Variants in CTNNBIP1 observed in about 807,000 individuals in gnomAD.
CTNNBIP1 encodes catenin beta interacting protein 1.
In CTNNBIP1, 7 loss-of-function variants were observed where a neutral mutation model predicts 11.8. The ratio of observed to expected loss-of-function variants is 0.60; its 90% CI spans 0.34 to 1.12. The LOEUF (loss-of-function observed/expected upper bound fraction) is 1.12, where lower values mean the gene tolerates loss of function less well. CTNNBIP1 is among the 50% of genes most tolerant of loss of function. The pLI is 0.03. For missense variants in CTNNBIP1, 101 were observed against 113.4 expected, an observed-to-expected ratio of 0.89 and a Z score of 0.50; for synonymous variants, 58 against 43.9, an observed-to-expected ratio of 1.32 and a Z score of -1.26.
At chr1:9,860,118 C>CCTGAGCACAAGT (rs1553188380) in intron 5 of CTNNBIP1, among the ~76,000 whole-genome samples, 1 of 152,140 alleles carries the variant, frequency 6.6e-6, no homozygotes, top group Non-Finnish European at 1.5e-5. Flanking sequence ...AGAAAACAGA[C>CCTGAGCACAAGT]CTGAGCACAA....
chr1:9,894,483 G>A (rs1295872151), intron 1 of CTNNBIP1, among the ~76,000 whole-genome samples: 2 of 150,338 alleles, frequency 1.3e-5, no homozygotes, highest in Non-Finnish European at 3.0e-5. Flanking sequence ...AGCCTCCTGA[G>A]TAGCTAGGAT....
chr1:9,858,446 G>A (rs1570560658), intron 5 of CTNNBIP1, among the ~76,000 whole-genome samples: 1 of 152,142 alleles, frequency 6.6e-6, no homozygotes, highest in African/African-American at 2.4e-5. Flanking sequence ...ACCACTCACT[G>A]CGCCAGCTAC....
chr1:9,869,558 C>A (rs569103164), intron 5 of CTNNBIP1, among the ~76,000 whole-genome samples: 12 of 152,238 alleles, frequency 7.9e-5, no homozygotes, highest in Non-Finnish European at 1.6e-4. Context: ...CTCCTGACCT[C>A]AGGTGATCCA....
In CTNNBIP1 at chr1:9,887,751, C is replaced by T. The variant is rs529806632; in HGVS notation, c.-143-4013G>A. Among the ~76,000 whole-genome samples the T allele has an allele frequency of 4.0e-5, 6 of 151,846 alleles. No individual in the cohort carries two copies. The East Asian group carries it at 5.8e-4, about 15-fold the overall frequency. ...ATCCACCTTACAGGAAAAAGAAAAA[C>T]GGCTAGAGTCCAACCCACTGCCAAT... On this transcript the variant is annotated intron_variant, in intron 1 of 5. Coordinates refer to ENST00000377263, the MANE Select transcript of CTNNBIP1 (RefSeq NM_020248.3).
At chr1:9,899,625 G>A (rs925913698) in intron 1 of CTNNBIP1, among the ~76,000 whole-genome samples, 3 of 151,878 alleles carry the variant, frequency 2.0e-5, no homozygotes, top group Non-Finnish European at 4.4e-5. Flanking sequence ...CGGGCATGGT[G>A]ACGCATGGCT....
At chr1:9,887,983 C>T (rs190107887) in intron 1 of CTNNBIP1, among the ~76,000 whole-genome samples, 1 of 151,732 alleles carries the variant, frequency 6.6e-6, no homozygotes, top group African/African-American at 2.4e-5. Flanking sequence ...ACCACCACAC[C>T]CAGCTAATTT....
At chr1:9,900,736 C>T (rs1474812742) in intron 1 of CTNNBIP1, among the ~76,000 whole-genome samples, 16 of 152,190 alleles carry the variant, frequency 1.1e-4, no homozygotes, top group Non-Finnish European at 2.2e-4. Context: ...GAACTGGGGG[C>T]CAGCTTGCTT....
chr1:9,879,600 G>A (rs1288357558), intron 2 of CTNNBIP1, among the ~76,000 whole-genome samples: 1 of 152,166 alleles, frequency 6.6e-6, no homozygotes, highest in Admixed American at 6.5e-5. Flanking sequence ...GCCATTTATA[G>A]CAATTAATTG....
At chr1:9,903,648 A>G (rs1447145941) in intron 1 of CTNNBIP1, among the ~76,000 whole-genome samples, 6 of 152,198 alleles carry the variant, frequency 3.9e-5, no homozygotes. Flanking sequence ...TGCCCCTGGG[A>G]ACTACGAAGG....
intron 3 of CTNNBIP1, among the ~76,000 whole-genome samples, chr1:9,876,746 G>A (rs534790075): frequency 1.3e-5 from 2 of 152,290 alleles, no homozygotes; most frequent in African/African-American, 2.4e-5. Context: ...AAAAGTGGGT[G>A]CCATCCCAGA....
At chr1:9,879,337 C>A (rs1639036004) in intron 2 of CTNNBIP1, among the ~76,000 whole-genome samples, 1 of 152,076 alleles carries the variant, frequency 6.6e-6, no homozygotes, top group Admixed American at 6.6e-5. Context: ...AGGTGCGGGG[C>A]CAATGACAGC....
At position 9,848,386 on chromosome 1, in the gene CTNNBIP1, G is replaced by A. The variant is rs1197861984; in HGVS notation, c.*2332C>T. ...TTTTCCTCTTCAGAAGATGAGACAGGCCGGGGTCATCATTGTTACAAAAGC... is the reference window on the plus strand; with the variant it reads ...TTTTCCTCTTCAGAAGATGAGACAGACCGGGGTCATCATTGTTACAAAAGC... On this transcript the variant is annotated 3_prime_UTR_variant, in exon 6 of 6. Coordinates refer to ENST00000377263, the MANE Select transcript of CTNNBIP1 (RefSeq NM_020248.3). This position sits in a 1 kb window ranked among gnomAD's most constrained non-coding sequence, Gnocchi z 4.3. The A allele has an allele frequency of 1.3e-5, 2 of 152,210 alleles. No homozygotes were observed. Among genetic ancestry groups the A allele is most frequent in the African/African-American group, 4.8e-5 (2 of 41,440 alleles). 9.4% of individuals were successfully genotyped at this position (152,210 alleles called of 1,614,324 possible).
intron 1 of CTNNBIP1, among the ~76,000 whole-genome samples, chr1:9,887,571 C>T (rs1230114475): frequency 6.6e-6 from 1 of 151,932 alleles, no homozygotes; most frequent in African/African-American, 2.4e-5. Context: ...GGCATGGTGG[C>T]ACACGCCTGT....
At chr1:9,869,555 C>A (rs918870060) in intron 5 of CTNNBIP1, among the ~76,000 whole-genome samples, 1 of 152,072 alleles carries the variant, frequency 6.6e-6, no homozygotes, top group Non-Finnish European at 1.5e-5. Context: ...GAACTCCTGA[C>A]CTCAGGTGAT....
chr1:9,900,239 C>T (rs1405494836), intron 1 of CTNNBIP1, among the ~76,000 whole-genome samples: 1 of 151,492 alleles, frequency 6.6e-6, no homozygotes, highest in East Asian at 2.0e-4. Context: ...ACTAAAAATA[C>T]AAAAAATTAG....
chr1:9,862,866 T>C (rs866930834), intron 5 of CTNNBIP1, among the ~76,000 whole-genome samples: 3 of 152,220 alleles, frequency 2.0e-5, no homozygotes, highest in Non-Finnish European at 4.4e-5. Flanking sequence ...ACACAGCAAC[T>C]GTGGGCTGAT....
intron 1 of CTNNBIP1, among the ~76,000 whole-genome samples, chr1:9,885,936 GAAAA>G (rs775586815): frequency 8.2e-6 from 1 of 121,256 alleles, no homozygotes. Context: ...CCATCTTGAG[GAAAA>G]AAAAAAAAAA....
chr1:9,908,264 G>C (rs978095457), intron 1 of CTNNBIP1, among the ~76,000 whole-genome samples: 1 of 151,802 alleles, frequency 6.6e-6, no homozygotes, highest in Non-Finnish European at 1.5e-5. Flanking sequence ...TCACCATGTT[G>C]GTCAGGATGG....
At position 9,883,491 on chromosome 1, in the gene CTNNBIP1, C is replaced by T. The variant is rs72858028; in HGVS notation, c.-110+214G>A. Among the ~76,000 whole-genome samples, 5,251 of 152,278 alleles carry T rather than the reference C, an allele frequency of 0.034. 288 individuals carry two copies. Among genetic ancestry groups the T allele is most frequent in the African/African-American group, 0.12 (4,938 of 41,542 alleles). On this transcript the variant is annotated intron_variant, in intron 2 of 5. Coordinates refer to ENST00000377263, the MANE Select transcript of CTNNBIP1 (RefSeq NM_020248.3). This position sits in a 1 kb window ranked among gnomAD's most constrained non-coding sequence, Gnocchi z 5.6. ...GCTCCTGTCCCCATCACAGCCCTCA[C>T]TAAGCATGGGACTGCCCCCCATGCA... is the stretch of plus-strand genomic sequence containing the variant.
Sources: gnomAD v4.1 joint callset for allele counts (sites outside exome capture counted in the v4.1 genomes callset) on GRCh38, gnomAD v4.1.1 for gene constraint, Gnocchi (gnomAD v3.1) non-coding constraint, MANE v1.5 for transcripts, NCBI Gene and HGNC (gene_info 2026-07-23, HGNC 2026-07-21) for gene names.